The following TULP4 variants were observed in gnomAD, a reference collection of about 807,000 sequenced individuals.
TULP4 encodes the protein TUB like protein 4.
TULP4 carries 16 observed loss-of-function variants against 129.0 expected under a neutral mutation model. That is an observed-to-expected ratio of 0.12 (90% CI 0.08 to 0.19). The LOEUF (loss-of-function observed/expected upper bound fraction) is 0.19. Ranked by LOEUF, TULP4 falls within the 10% of genes least tolerant of loss-of-function variation. TULP4 has a pLI of 1.00. For missense variants in TULP4, 1,842 were observed against 2,059.1 expected, an observed-to-expected ratio of 0.89 and a Z score of 2.04; for synonymous variants, 998 against 854.0, an observed-to-expected ratio of 1.17 and a Z score of -2.94.
intron 1 of TULP4, among the ~76,000 whole-genome samples, chr6:158,336,174 T>C (rs554268854): frequency 5.3e-5 from 8 of 152,210 alleles, no homozygotes; most frequent in Non-Finnish European, 1.0e-4. Context: ...AATTTGGATA[T>C]CTCCTATTAT....
chr6:158,480,929 C>T (rs1310687240), intron 7 of TULP4, 126 bp from the exon 8 acceptor site: 2 of 780,360 alleles, frequency 2.6e-6, no homozygotes, highest in African/African-American at 1.7e-5. Context: ...CTTCCCCAGG[C>T]CCCCAGCCTG....
Position 158,490,097 on chromosome 6 carries a change from A to G in TULP4, c.1631+365A>G, listed in dbSNP as rs147314024. On this transcript the variant is annotated intron_variant, in intron 9 of 13. Coordinates refer to ENST00000367097, the MANE Select transcript of TULP4 (RefSeq NM_020245.5). ...TAACATGTTGAAGAGAATGCCAGATAAGATGCCTGTAATGCTGGAGCCGGG... is the reference window on the plus strand; with the variant it reads ...TAACATGTTGAAGAGAATGCCAGATGAGATGCCTGTAATGCTGGAGCCGGG... Among the ~76,000 whole-genome samples, 659 of 152,262 alleles carry G rather than the reference A, an allele frequency of 4.3e-3. 5 individuals carry two copies. Among genetic ancestry groups the G allele is most frequent in the South Asian group, 0.012 (57 of 4,808 alleles).
At chr6:158,364,279 A>G (rs889365788) in intron 1 of TULP4, among the ~76,000 whole-genome samples, 1 of 152,240 alleles carries the variant, frequency 6.6e-6, no homozygotes, top group African/African-American at 2.4e-5. Flanking sequence ...GAGTTAGTTT[A>G]GAGGAAAGAG....
intron 1 of TULP4, among the ~76,000 whole-genome samples, chr6:158,399,059 T>C (rs1777784819): frequency 6.6e-6 from 1 of 152,214 alleles, no homozygotes; most frequent in Non-Finnish European, 1.5e-5. Context: ...ACTTATAAAA[T>C]AGATGCTTTT....
rs1239716102 is a variant in TULP4, at chr6:158,429,866, C to T, written c.512C>T (p.Thr171Met). 8 of 1,613,878 alleles carry T rather than the reference C, an allele frequency of 5.0e-6. No homozygotes were observed. In the East Asian group the frequency reaches 1.6e-4, roughly 31 times the overall value. Residue 171 changes from threonine (T) to methionine (M), a missense_variant, in exon 3 of 14, where the codon ACG (threonine) becomes ATG (methionine). Physicochemically the swap from Thr to Met is moderately conservative, Grantham distance 81 (BLOSUM62 -1). Coordinates refer to ENST00000367097, the MANE Select transcript of TULP4 (RefSeq NM_020245.5). ...SSEINLESQI[T>M]CGIWTPDDQQ... is the part of the protein sequence containing the mutation. ...GAAATCAACTTGGAAAGTCAAATTACGTGTGGCATATGGACTCCTGACGAC... is the reference window on the plus strand; with the variant it reads ...GAAATCAACTTGGAAAGTCAAATTATGTGTGGCATATGGACTCCTGACGAC...
chr6:158,445,837 T>A (rs341129), intron 3 of TULP4, among the ~76,000 whole-genome samples: 59,299 of 151,906 alleles, frequency 0.39, 12,218 homozygotes, highest in African/African-American at 0.53. Context: ...GGAATGCAGT[T>A]GGATGTGAGA....
chr6:158,369,626 A>G (rs1777028491), intron 1 of TULP4, among the ~76,000 whole-genome samples: 1 of 152,142 alleles, frequency 6.6e-6, no homozygotes, highest in Non-Finnish European at 1.5e-5. Context: ...TTCACATGAG[A>G]TTTTCAAAGG....
Position 158,413,192 on chromosome 6 carries a change from A to G in TULP4, c.380A>G (p.Gln127Arg), listed in dbSNP as rs1296341755. The G allele has an allele frequency of 6.2e-7, 1 of 1,611,024 alleles. No homozygotes were observed. Among genetic ancestry groups the G allele is most frequent in the Non-Finnish European group, 8.5e-7 (1 of 1,177,734 alleles). The change falls in exon 2 of 14, where the codon CAG (glutamine) becomes CGG (arginine). Residue 127 changes from glutamine (Q) to arginine (R), a missense_variant and splice_region_variant. Physicochemically the swap from Gln to Arg is conservative, Grantham distance 43. Coordinates refer to ENST00000367097, the MANE Select transcript of TULP4 (RefSeq NM_020245.5). This position sits in a 1 kb window ranked among gnomAD's most constrained non-coding sequence, Gnocchi z 4.9. ...SVELVNDRGA[Q>R]VSDFTWSHDG... ...GAGCTGGTCAACGACCGCGGGGCGCAGGTGAGTGGCAGGCGCAGCTCTGCC... is the reference window on the plus strand; with the variant it reads ...GAGCTGGTCAACGACCGCGGGGCGCGGGTGAGTGGCAGGCGCAGCTCTGCC...
upstream of TULP4, among the ~76,000 whole-genome samples, chr6:158,279,947 C>T (rs1778719417): frequency 6.6e-6 from 1 of 152,190 alleles, no homozygotes; most frequent in Non-Finnish European, 1.5e-5. Flanking sequence ...TGCTTCTTTA[C>T]GGCGCGGCTA....
At chr6:158,392,794 C>CTTTATTTTTTTTTTTTT (rs1554286994) in intron 1 of TULP4, among the ~76,000 whole-genome samples, 1 of 54,642 alleles carries the variant, frequency 1.8e-5, no homozygotes, top group African/African-American at 8.7e-5. Context: ...ATTTGTATTT[C>CTTTATTTTTTTTTTTTT]TTTTTTTTTT....
intron 6 of TULP4, among the ~76,000 whole-genome samples, chr6:158,467,277 CTTTTTTT>C (rs59276592): frequency 3.3e-4 from 46 of 140,940 alleles, no homozygotes; most frequent in African/African-American, 8.7e-4. Context: ...CTTTCCCTTT[CTTTTTTT>C]TTTTTTTTTT....
intron 3 of TULP4, among the ~76,000 whole-genome samples, chr6:158,431,376 C>T (rs1462933646): frequency 1.3e-5 from 2 of 152,172 alleles, no homozygotes; most frequent in African/African-American, 2.4e-5. Context: ...TCACATTCTT[C>T]CCTCGCCTAG....
rs903359650 is a variant in TULP4, at chr6:158,507,992, G to C, written c.*1298G>C. 1 of 152,020 alleles carries C rather than the reference G, an allele frequency of 6.6e-6. No homozygotes were observed. The highest frequency in any genetic ancestry group is 6.5e-5 in the Admixed American group (1 of 15,272). 9.4% of individuals were successfully genotyped at this position (152,020 alleles called of 1,614,324 possible). ...TAAGGAGCTAAACCACTGAGAAAAC[G>C]TTATTAAAATTGTAATACCTAGGTA... On this transcript the variant is annotated 3_prime_UTR_variant, in exon 14 of 14. Transcript: ENST00000367097.
At chr6:158,251,084 A>G (rs1364668519) in intron 1 of TULP4, among the ~76,000 whole-genome samples, 1 of 152,198 alleles carries the variant, frequency 6.6e-6, no homozygotes, top group Non-Finnish European at 1.5e-5. Flanking sequence ...CGCATTCACA[A>G]ATTAGATCAC....
At chr6:158,372,906 C>T (rs1269111169) in intron 1 of TULP4, among the ~76,000 whole-genome samples, 2 of 152,148 alleles carry the variant, frequency 1.3e-5, no homozygotes, top group Non-Finnish European at 2.9e-5. Flanking sequence ...AAACGTTAGG[C>T]ATATAAAGAA....
chr6:158,257,994 C>A (rs1275620600), intron 1 of TULP4, among the ~76,000 whole-genome samples: 1 of 152,180 alleles, frequency 6.6e-6, no homozygotes, highest in Non-Finnish European at 1.5e-5. Context: ...CAAGGGGTGG[C>A]TGATCTCTTT....
chr6:158,441,614 G>A (rs1474968863), intron 3 of TULP4, among the ~76,000 whole-genome samples: 1 of 152,194 alleles, frequency 6.6e-6, no homozygotes, highest in Non-Finnish European at 1.5e-5. Flanking sequence ...GTTAGGAGGG[G>A]TGAGATGTAT....
chr6:158,345,965 C>T (rs1359051375), intron 1 of TULP4, among the ~76,000 whole-genome samples: 1 of 152,162 alleles, frequency 6.6e-6, no homozygotes, highest in Non-Finnish European at 1.5e-5. Flanking sequence ...GTATTAATAA[C>T]AATATTCCTT....
intron 6 of TULP4, 25 bp from the exon 7 acceptor site, chr6:158,479,726 T>C: frequency 6.2e-7 from 1 of 1,605,234 alleles, no homozygotes; most frequent in Admixed American, 1.7e-5. Context: ...AGCTTAAGCA[T>C]TGTCTTCCCT....
Sources: gnomAD v4.1 joint callset for allele counts (sites outside exome capture counted in the v4.1 genomes callset) on GRCh38, gnomAD v4.1.1 for gene constraint, Gnocchi (gnomAD v3.1) non-coding constraint, MANE v1.5 for transcripts, NCBI Gene and HGNC (gene_info 2026-07-23, HGNC 2026-07-21) for gene names.